The following TBL1X variants were observed in gnomAD, a reference collection of about 807,000 sequenced individuals.
TBL1X encodes the protein F-box-like/WD repeat-containing protein TBL1X.
In TBL1X, 10 loss-of-function variants were observed where a neutral mutation model predicts 50.7. That is an observed-to-expected ratio of 0.20 (90% confidence interval 0.12 to 0.33). TBL1X has a LOEUF of 0.33. Ranked by LOEUF, TBL1X falls within the 10% of genes least tolerant of loss-of-function variation. The pLI is 1.00. For synonymous variants in TBL1X, 190 were observed against 214.7 expected, an observed-to-expected ratio of 0.88 and a Z score of 1.01; for missense variants, 340 against 504.4, an observed-to-expected ratio of 0.67 and a Z score of 3.12.
intron 1 of TBL1X, among the ~76,000 whole-genome samples, chrX:9,499,448 G>C (rs1161904771): frequency 8.9e-6 from 1 of 112,224 alleles, no homozygotes; most frequent in Non-Finnish European, 1.9e-5. Flanking sequence ...CAGCCACATA[G>C]GGATAGGTCG....
At chrX:9,501,005 A>G (rs747919455) in intron 1 of TBL1X, among the ~76,000 whole-genome samples, 1 of 111,664 alleles carries the variant, frequency 9.0e-6, no homozygotes, top group Non-Finnish European at 1.9e-5. Context: ...CTCAAATGTC[A>G]GTAGGGCTAA....
intron 2 of TBL1X, among the ~76,000 whole-genome samples, chrX:9,521,415 G>C (rs773265630): frequency 8.9e-6 from 1 of 111,732 alleles, no homozygotes; most frequent in Non-Finnish European, 1.9e-5. Flanking sequence ...GTGCTTGGGG[G>C]TGGGGAGGCT....
At chrX:9,608,367 A>C (rs1260198961) in intron 2 of TBL1X, among the ~76,000 whole-genome samples, 1 of 111,892 alleles carries the variant, frequency 8.9e-6, no homozygotes, top group Non-Finnish European at 1.9e-5. Context: ...GGTGTTAAGC[A>C]TCTCTTCCTG....
In TBL1X at chrX:9,511,072, T is replaced by C. The variant is rs571147206; in HGVS notation, c.-131+9223T>C. On this transcript the variant is annotated intron_variant, in intron 2 of 17. Transcript: ENST00000645353. ...AATACGTGCTTGTAAGTACAGGGATTGTGTGGCCCACAAAGTAGAAAATAT... is the reference window on the plus strand; with the variant it reads ...AATACGTGCTTGTAAGTACAGGGATCGTGTGGCCCACAAAGTAGAAAATAT... Among the ~76,000 whole-genome samples, 10 of 112,290 alleles carry C rather than the reference T, an allele frequency of 8.9e-5. No individual in the cohort carries two copies. The East Asian group carries it at 2.8e-3, about 32-fold the overall frequency.
At chrX:9,574,459 G>GAAAAAAA in intron 2 of TBL1X, among the ~76,000 whole-genome samples, 1 of 30,129 alleles carries the variant, frequency 3.3e-5, no homozygotes. Flanking sequence ...TGTCTCAAAT[G>GAAAAAAA]AAAAAAAAAA....
chrX:9,703,889 C>T (rs2083190740), intron 12 of TBL1X, among the ~76,000 whole-genome samples: 1 of 112,531 alleles, frequency 8.9e-6, no homozygotes, highest in Non-Finnish European at 1.9e-5. Flanking sequence ...ACCTGTGCTT[C>T]CAGTGCCTCT....
At chrX:9,536,599 C>T (rs181094235) in intron 2 of TBL1X, among the ~76,000 whole-genome samples, 12 of 111,474 alleles carry the variant, frequency 1.1e-4, no homozygotes, top group Admixed American at 1.9e-4. Flanking sequence ...TGGCAATGCC[C>T]TGTAAAGTTA....
At chrX:9,463,690 A>C (rs1318083561), upstream of TBL1X, among the ~76,000 whole-genome samples, 1 of 111,945 alleles carries the variant, frequency 8.9e-6, no homozygotes, top group Non-Finnish European at 1.9e-5. Flanking sequence ...TCAGGAGTTC[A>C]GACCAGTCTG....
chrX:9,711,669 A>T lies in TBL1X; in HGVS notation c.1498A>T (p.Thr500Ser). 2 of 1,210,116 alleles carry T rather than the reference A, an allele frequency of 1.7e-6. No homozygotes were observed. The highest frequency in any genetic ancestry group is 2.2e-6 in the Non-Finnish European group (2 of 894,408). Residue 500 changes from threonine to serine, a missense_variant, in exon 16 of 18, where the codon ACG (threonine) becomes TCG (serine). By Grantham distance (58) the Thr-to-Ser change is moderately conservative. Around this residue, in one of 6 missense-constraint regions of TBL1X, gnomAD observed 170 missense variants for 272.6 expected, o/e 0.62. Coordinates refer to ENST00000645353, the MANE Select transcript of TBL1X (RefSeq NM_005647.4). ...WDIERGVCTH[T>S]LTKHQEPVYS... The stretch of plus-strand genomic sequence containing the variant: ...CATAGAACGAGGCGTCTGCACCCAC[A>T]CGCTCACGAAGCATCAGGAGCCTGT...
At chrX:9,568,457 C>T (rs2082363463) in intron 2 of TBL1X, among the ~76,000 whole-genome samples, 1 of 106,248 alleles carries the variant, frequency 9.4e-6, no homozygotes, top group African/African-American at 3.4e-5. Context: ...CTATATGCGG[C>T]GTGCTGTGCA....
intron 1 of TBL1X, among the ~76,000 whole-genome samples, chrX:9,488,488 C>T (rs1052277942): frequency 3.6e-5 from 4 of 111,843 alleles, no homozygotes; most frequent in Non-Finnish European, 7.5e-5. Flanking sequence ...AAAGGCTGTC[C>T]ACTTTTCCGG....
intron 2 of TBL1X, among the ~76,000 whole-genome samples, chrX:9,548,787 G>A (rs1252343390): frequency 8.9e-6 from 1 of 112,736 alleles, no homozygotes; most frequent in Non-Finnish European, 1.9e-5. Context: ...CAGGAGTTTA[G>A]TGTTCTTGGA....
rs1291137612 is a variant in TBL1X, at chrX:9,714,971, G to A, written c.1675G>A (p.Asp559Asn). ...CGAGGTGTGCTGGAACGCCCGAGGAGACAAAGTGGGTGCCAGCGCGTCCGA... is the reference window on the plus strand; with the variant it reads ...CGAGGTGTGCTGGAACGCCCGAGGAAACAAAGTGGGTGCCAGCGCGTCCGA... Reference protein sequence around the residue: ...IFEVCWNARGDKVGASASDGS... With the variant: ...IFEVCWNARGNKVGASASDGS... The change falls in exon 17 of 18, where the codon GAC (aspartate) becomes AAC (asparagine). Residue 559 changes from aspartate to asparagine, a missense_variant. Physicochemically the swap from Asp to Asn is conservative, Grantham distance 23. This residue lies in a region of TBL1X where 170 missense variants were observed against 272.6 expected (regional missense o/e 0.62). Coordinates refer to ENST00000645353, the MANE Select transcript of TBL1X (RefSeq NM_005647.4). The A allele has an allele frequency of 4.1e-6, 5 of 1,211,690 alleles. No homozygotes were observed. The highest frequency in any genetic ancestry group is 5.6e-6 in the Non-Finnish European group (5 of 895,414).
At chrX:9,628,625 G>T (rs2082704965) in intron 2 of TBL1X, among the ~76,000 whole-genome samples, 1 of 108,182 alleles carries the variant, frequency 9.2e-6, no homozygotes, top group Non-Finnish European at 1.9e-5. Flanking sequence ...CAGCTCACTG[G>T]CAACCTCTGC....
At chrX:9,479,938 A>ATATGTGTGTGTGTGTGTGTGTGTGTG (rs1555956772) in intron 1 of TBL1X, among the ~76,000 whole-genome samples, 1 of 94,988 alleles carries the variant, frequency 1.1e-5, no homozygotes, top group African/African-American at 3.9e-5. Flanking sequence ...GGAAAGTAGA[A>ATATGTGTGTGTGTGTGTGTGTGTGTG]TGTGTGTGTG....
At chrX:9,625,867 G>A (rs1025605632) in intron 2 of TBL1X, among the ~76,000 whole-genome samples, 3 of 111,251 alleles carry the variant, frequency 2.7e-5, no homozygotes, top group Non-Finnish European at 5.7e-5. Flanking sequence ...TGAACCCGGC[G>A]GGGGGGCGGA....
At chrX:9,558,551 T>C (rs1248451409) in intron 2 of TBL1X, among the ~76,000 whole-genome samples, 1 of 109,826 alleles carries the variant, frequency 9.1e-6, no homozygotes, top group Non-Finnish European at 1.9e-5. Context: ...AATATATATA[T>C]ATATGTATAT....
At chrX:9,523,722 G>A (rs1309911169) in intron 2 of TBL1X, among the ~76,000 whole-genome samples, 2 of 111,736 alleles carry the variant, frequency 1.8e-5, no homozygotes, top group East Asian at 5.6e-4. Context: ...TGCCTTTATT[G>A]GCCCCCTTGC....
chrX:9,478,384 A>G (rs938063858), intron 1 of TBL1X, among the ~76,000 whole-genome samples: 2 of 111,438 alleles, frequency 1.8e-5, no homozygotes, highest in African/African-American at 3.3e-5. Flanking sequence ...CCTCTGCTCT[A>G]TGGTCCTCAA....
Sources: allele counts gnomAD v4.1 joint callset (sites outside exome capture counted in the v4.1 genomes callset), GRCh38; gene constraint gnomAD v4.1.1; regional missense constraint gnomAD v4.1.1; transcripts MANE v1.5; gene names NCBI Gene and HGNC (gene_info 2026-07-23, HGNC 2026-07-21).